WWOX: variants seen among roughly 807,000 people sequenced by gnomAD.
WWOX encodes WW domain containing oxidoreductase.
In WWOX, 69 loss-of-function variants were observed where a neutral mutation model predicts 46.2. That is an observed-to-expected ratio of 1.49 (90% CI 1.23 to 1.82). The LOEUF (loss-of-function observed/expected upper bound fraction) is 1.82. WWOX is among the 40% of genes most tolerant of loss of function. The pLI, the probability that WWOX is intolerant of heterozygous loss-of-function variation, is 0.00. For missense variants in WWOX, 919 were observed against 542.6 expected, an observed-to-expected ratio of 1.69 and a Z score of -6.89; for synonymous variants, 359 against 202.6, an observed-to-expected ratio of 1.77 and a Z score of -6.56.
At chr16:78,368,883 A>G (rs1214983528) in intron 5 of WWOX, among the ~76,000 whole-genome samples, 2 of 152,220 alleles carry the variant, frequency 1.3e-5, no homozygotes, top group Admixed American at 6.5e-5. Flanking sequence ...GTGCACTGAC[A>G]GAATGGTACA....
chr16:78,916,416 G>A (rs1377754115), intron 8 of WWOX, among the ~76,000 whole-genome samples: 1 of 152,198 alleles, frequency 6.6e-6, no homozygotes, highest in Non-Finnish European at 1.5e-5. Context: ...CTGGCAAGAT[G>A]AGATTATTCA....
chr16:78,602,723 C>T (rs184677079), intron 8 of WWOX, among the ~76,000 whole-genome samples: 93 of 152,274 alleles, frequency 6.1e-4, no homozygotes, highest in Admixed American at 2.7e-3. Flanking sequence ...TTTTCTTTAA[C>T]GATCCATTTA....
intron 8 of WWOX, among the ~76,000 whole-genome samples, chr16:78,477,255 A>G (rs1464394580): frequency 6.6e-6 from 1 of 152,202 alleles, no homozygotes; most frequent in Non-Finnish European, 1.5e-5. Context: ...CTTCTAGTCT[A>G]GATTACCTAT....
chr16:79,057,371 A>T (rs1464506289), intron 8 of WWOX, among the ~76,000 whole-genome samples: 2 of 152,160 alleles, frequency 1.3e-5, no homozygotes, highest in African/African-American at 4.8e-5. Flanking sequence ...AGAAAAGAAG[A>T]CCACTGTAAT....
chr16:78,892,167 C>T lies in WWOX; in HGVS notation c.1057-319441C>T, dbSNP rs186589839. On this transcript the variant is annotated intron_variant, in intron 8 of 8. Coordinates refer to ENST00000566780, the MANE Select transcript of WWOX (RefSeq NM_016373.4). ...AATTTTCTACTGGCAGTGAGACCAG[C>T]GGAATCTAAGAAATTGCATACGAAA... The T allele has an allele frequency of 3.9e-5, 6 of 152,078 alleles. No individual in the cohort carries two copies. The East Asian group carries it at 9.7e-4, about 25-fold the overall frequency. The allele number at this position is 152,078 out of a possible 1,614,324, so 9.4% of individuals were successfully genotyped here. A position where few individuals can be genotyped will look rare whatever the true frequency, so the allele number is the denominator to read the frequency against.
chr16:78,321,723 G>C (rs1402471483), intron 5 of WWOX, among the ~76,000 whole-genome samples: 1 of 152,172 alleles, frequency 6.6e-6, no homozygotes, highest in African/African-American at 2.4e-5. Flanking sequence ...TGATGTAGGA[G>C]TGAGAACACA....
chr16:78,755,684 C>T (rs994107999), intron 8 of WWOX, among the ~76,000 whole-genome samples: 1 of 152,170 alleles, frequency 6.6e-6, no homozygotes, highest in Admixed American at 6.5e-5. Context: ...GACCCTGCAC[C>T]AGGGCCATGT....
chr16:78,353,406 G>A (rs1221625009), intron 5 of WWOX, among the ~76,000 whole-genome samples: 1 of 152,162 alleles, frequency 6.6e-6, no homozygotes, highest in Non-Finnish European at 1.5e-5. Context: ...AGGGGTGTAA[G>A]CCAAGAGAAA....
intron 8 of WWOX, among the ~76,000 whole-genome samples, chr16:78,927,431 ATGTT>A (rs1157569746): frequency 1.3e-5 from 2 of 152,142 alleles, no homozygotes; most frequent in Admixed American, 6.6e-5. Context: ...GTCTGTCTAC[ATGTT>A]TGTTTGTAAA....
At chr16:78,114,887 A>T in intron 3 of WWOX, 89 bp from the exon 4 acceptor site, 1 of 1,564,930 alleles carries the variant, frequency 6.4e-7, no homozygotes, top group Non-Finnish European at 8.8e-7. Flanking sequence ...GTCTATGAAA[A>T]ATGGGGTTTT....
intron 6 of WWOX, among the ~76,000 whole-genome samples, chr16:78,390,916 C>T (rs1252831594): frequency 2.6e-5 from 4 of 152,182 alleles, no homozygotes; most frequent in African/African-American, 7.2e-5. Flanking sequence ...TTTAATATGC[C>T]GTTTCAAAGC....
rs140722332 is a variant in WWOX, at chr16:79,035,003, T to C, written c.1057-176605T>C. Among the ~76,000 whole-genome samples the C allele has an allele frequency of 2.0e-5, 3 of 152,376 alleles. No homozygotes were observed. The East Asian group carries it at 5.8e-4, about 29-fold the overall frequency. On this transcript the variant is annotated intron_variant, in intron 8 of 8. Transcript: ENST00000566780. Reference sequence around the variant, plus strand: ...AAATCATTGTCCTCTAATTCATTAATGGTTAATAATATTGCTGACTCTTTT... The same window carrying C: ...AAATCATTGTCCTCTAATTCATTAACGGTTAATAATATTGCTGACTCTTTT...
intron 5 of WWOX, among the ~76,000 whole-genome samples, chr16:78,362,396 T>C (rs1357704316): frequency 1.3e-5 from 2 of 152,138 alleles, no homozygotes; most frequent in Non-Finnish European, 2.9e-5. Flanking sequence ...GATCACCTGA[T>C]GATAGGAGTT....
intron 8 of WWOX, among the ~76,000 whole-genome samples, chr16:78,875,215 C>T (rs1430796387): frequency 1.3e-5 from 2 of 152,116 alleles, no homozygotes; most frequent in Non-Finnish European, 2.9e-5. Context: ...AGAGCCAGCT[C>T]AAATTTCAGT....
intron 8 of WWOX, among the ~76,000 whole-genome samples, chr16:78,663,741 A>G (rs923829509): frequency 6.6e-6 from 1 of 152,162 alleles, no homozygotes; most frequent in Non-Finnish European, 1.5e-5. Context: ...GTGATCAGTG[A>G]TGGCTTTTGA....
chr16:78,481,485 G>A (rs1239681781), intron 8 of WWOX, among the ~76,000 whole-genome samples: 1 of 152,070 alleles, frequency 6.6e-6, no homozygotes, highest in Non-Finnish European at 1.5e-5. Flanking sequence ...GTTTTGATGG[G>A]AACTTTGCAG....
At chr16:78,364,660 T>G (rs12920053) in intron 5 of WWOX, among the ~76,000 whole-genome samples, 10 of 151,746 alleles carry the variant, frequency 6.6e-5, no homozygotes, top group African/African-American at 9.7e-5. Flanking sequence ...TGGGTGCTCT[T>G]TCTCTATAAT....
rs114564441 is a variant in WWOX at position 78,762,919 on chromosome 16, G to A, written c.1056+330167G>A. On this transcript the variant is annotated intron_variant, in intron 8 of 8. Transcript: ENST00000566780. Reference sequence around the variant, plus strand: ...CAGTTTGGTAAGTGTTATTATTGAAGGCTGAGAACAGAACGACAAACAACA... The same window carrying A: ...CAGTTTGGTAAGTGTTATTATTGAAAGCTGAGAACAGAACGACAAACAACA... Among the ~76,000 whole-genome samples the A allele has an allele frequency of 2.3e-3, 349 of 152,304 alleles. 3 individuals carry two copies. Among genetic ancestry groups the A allele is most frequent in the African/African-American group, 7.8e-3 (323 of 41,560 alleles).
intron 8 of WWOX, chr16:78,891,206 T>G (rs1396246864): frequency 6.6e-6 from 1 of 152,204 alleles, no homozygotes; most frequent in East Asian, 1.9e-4. Flanking sequence ...CTCTTTTGTC[T>G]CAGTCCCATC....
Sources: allele counts gnomAD v4.1 joint callset (sites outside exome capture counted in the v4.1 genomes callset), GRCh38; gene constraint gnomAD v4.1.1; transcripts MANE v1.5; gene names NCBI Gene and HGNC (gene_info 2026-07-23, HGNC 2026-07-21).